VGLL4: variants seen among roughly 807,000 people sequenced by gnomAD.
The protein encoded by VGLL4 is vestigial like family member 4, also known as transcription cofactor vestigial-like protein 4.
In VGLL4, 7 loss-of-function variants were observed where a neutral mutation model predicts 21.0. The observed-to-expected ratio is 0.33, with a 90% confidence interval of 0.19 to 0.63. The LOEUF (loss-of-function observed/expected upper bound fraction) is 0.63. Ranked by LOEUF, VGLL4 falls within the 20% of genes least tolerant of loss-of-function variation. The probability of loss-of-function intolerance (pLI) is 0.78; values close to 1 mark genes in which losing one functional copy is unlikely to be tolerated. For missense variants in VGLL4, 394 were observed against 425.7 expected (o/e 0.93, Z 0.66); for synonymous variants, 222 against 173.2 (o/e 1.28, Z -2.21).
chr3:11,622,187 T>C (rs1020234107), intron 1 of VGLL4, among the ~76,000 whole-genome samples: 1 of 152,224 alleles, frequency 6.6e-6, no homozygotes, highest in Non-Finnish European at 1.5e-5. Context: ...CTTACATCTT[T>C]TACAAAGCTT....
chr3:11,599,333 T>C (rs1433943611), intron 2 of VGLL4, among the ~76,000 whole-genome samples: 2 of 151,580 alleles, frequency 1.3e-5, no homozygotes, highest in Admixed American at 1.3e-4. Flanking sequence ...ACCTGGCTGG[T>C]GTAAGGGAGT....
chr3:11,608,320 C>T (rs956792987), intron 1 of VGLL4, among the ~76,000 whole-genome samples: 7 of 151,944 alleles, frequency 4.6e-5, no homozygotes, highest in Admixed American at 2.0e-4. Context: ...TCTAGGCACA[C>T]GTTAGAAAAA....
At chr3:11,709,597 T>G (rs1047151295) in intron 1 of VGLL4, among the ~76,000 whole-genome samples, 16 of 152,142 alleles carry the variant, frequency 1.1e-4, no homozygotes, top group African/African-American at 3.6e-4. Context: ...GGATTTTTTT[T>G]TTTCAGGTAA....
chr3:11,710,103 T>C (rs901434044), intron 1 of VGLL4, among the ~76,000 whole-genome samples: 1 of 152,150 alleles, frequency 6.6e-6, no homozygotes, highest in Non-Finnish European at 1.5e-5. Context: ...AGATCTCCCA[T>C]GAACTACCAG....
At chr3:11,616,633 C>A (rs1390837635) in intron 1 of VGLL4, among the ~76,000 whole-genome samples, 1 of 152,174 alleles carries the variant, frequency 6.6e-6, no homozygotes, top group Admixed American at 6.5e-5. Flanking sequence ...GGACATGGAA[C>A]CTTTATTTAA....
intron 2 of VGLL4, among the ~76,000 whole-genome samples, chr3:11,686,363 A>G (rs1439158194): frequency 6.6e-6 from 1 of 152,334 alleles, no homozygotes; most frequent in East Asian, 1.9e-4. Flanking sequence ...ATGCTACAAT[A>G]TGGATGAACC....
At chr3:11,618,403 T>C (rs2574722) in intron 1 of VGLL4, among the ~76,000 whole-genome samples, 63,530 of 151,986 alleles carry the variant, frequency 0.42, 14,829 homozygotes, top group South Asian at 0.61. Flanking sequence ...TATTAAAATA[T>C]TTATTGGAGA....
At chr3:11,624,348 G>A (rs1342250742) in intron 1 of VGLL4, among the ~76,000 whole-genome samples, 1 of 152,080 alleles carries the variant, frequency 6.6e-6, no homozygotes, top group Non-Finnish European at 1.5e-5. Flanking sequence ...TGGCACATGG[G>A]AGAACTGATG....
chr3:11,660,370 G>T (rs1268441151), intron 2 of VGLL4, among the ~76,000 whole-genome samples: 3 of 152,014 alleles, frequency 2.0e-5, no homozygotes, highest in Non-Finnish European at 4.4e-5. Context: ...ATTTAATATG[G>T]CCTACTATAA....
chr3:11,622,894 A>C (rs2075290435), intron 1 of VGLL4, among the ~76,000 whole-genome samples: 1 of 152,224 alleles, frequency 6.6e-6, no homozygotes, highest in African/African-American at 2.4e-5. Flanking sequence ...CTGAGAACTG[A>C]AACCTGGAAA....
intron 1 of VGLL4, among the ~76,000 whole-genome samples, chr3:11,615,712 T>C (rs2075149031): frequency 6.6e-6 from 1 of 152,238 alleles, no homozygotes; most frequent in Non-Finnish European, 1.5e-5. Flanking sequence ...ACCTTTAATT[T>C]GCAGTTTGAG....
intron 2 of VGLL4, among the ~76,000 whole-genome samples, chr3:11,673,418 G>T (rs1437389569): frequency 6.6e-6 from 1 of 151,992 alleles, no homozygotes; most frequent in African/African-American, 2.4e-5. Context: ...AACGAGTCCG[G>T]AAGGGAGAAA....
At chr3:11,663,774 G>T (rs1360009759) in intron 2 of VGLL4, among the ~76,000 whole-genome samples, 2 of 152,010 alleles carry the variant, frequency 1.3e-5, no homozygotes. Flanking sequence ...CACACTGAAG[G>T]GTTTGGACGG....
intron 1 of VGLL4, 91 bp from the exon 2 acceptor site, chr3:11,602,113 C>T: frequency 7.9e-7 from 1 of 1,261,666 alleles, no homozygotes; most frequent in Non-Finnish European, 1.0e-6. Context: ...CAGCCCCTTA[C>T]AAAACTACTC....
Position 11,595,391 on chromosome 3 carries a change from C to T in VGLL4, c.272+6442G>A, listed in dbSNP as rs1277326956. On this transcript the variant is annotated intron_variant, in intron 2 of 4. Transcript: ENST00000430365. ...GAACACTTTTACACTGTTGGTGGGA[C>T]TGTAAACTAGTTCAACCACTGTGGA... is the stretch of plus-strand genomic sequence containing the variant. Among the ~76,000 whole-genome samples the T allele has an allele frequency of 8.9e-4, 135 of 152,270 alleles. 1 individual carries two copies. Among genetic ancestry groups the T allele is most frequent in the South Asian group, 3.3e-3 (16 of 4,814 alleles).
chr3:11,711,099 A>G (rs907854328), intron 1 of VGLL4, among the ~76,000 whole-genome samples: 67 of 130,306 alleles, frequency 5.1e-4, no homozygotes, highest in African/African-American at 2.2e-3. Flanking sequence ...ACTCCATCTC[A>G]AAAAAAAAAA....
chr3:11,597,461 T>G (rs9831604), intron 2 of VGLL4, among the ~76,000 whole-genome samples: 1 of 151,896 alleles, frequency 6.6e-6, no homozygotes, highest in Non-Finnish European at 1.5e-5. Flanking sequence ...AATGGATAAA[T>G]GCAGAAATTG....
intron 2 of VGLL4, among the ~76,000 whole-genome samples, chr3:11,592,421 T>C (rs891704226): frequency 1.3e-5 from 2 of 152,132 alleles, no homozygotes; most frequent in Non-Finnish European, 2.9e-5. Flanking sequence ...CCTTCCACAA[T>C]CCCTGAGGGA....
chr3:11,602,660 A>T (rs892116554), intron 1 of VGLL4, among the ~76,000 whole-genome samples: 1 of 152,244 alleles, frequency 6.6e-6, no homozygotes, highest in Non-Finnish European at 1.5e-5. Context: ...TATCGCAAGC[A>T]TAATACGTGG....
Sources: gnomAD v4.1 joint callset for allele counts (sites outside exome capture counted in the v4.1 genomes callset) on GRCh38, gnomAD v4.1.1 for gene constraint, MANE v1.5 for transcripts, NCBI Gene and HGNC (gene_info 2026-07-23, HGNC 2026-07-21) for gene names.